ULK2: variants seen among roughly 807,000 people sequenced by gnomAD.
The protein encoded by ULK2 is serine/threonine-protein kinase ULK2.
A neutral mutation model predicts 127.5 loss-of-function variants in ULK2; 76 were observed. That is an observed-to-expected ratio of 0.60 (90% confidence interval 0.50 to 0.72). The LOEUF (loss-of-function observed/expected upper bound fraction) is 0.72, where lower values mean the gene tolerates loss of function less well. ULK2 is among the 30% of genes least tolerant of loss of function. ULK2 has a pLI of 0.00. For missense variants in ULK2, 1,144 were observed against 1,295.9 expected (o/e 0.88, Z 1.80); for synonymous variants, 452 against 461.9 (o/e 0.98, Z 0.28).
intron 25 of ULK2, among the ~76,000 whole-genome samples, chr17:19,778,965 T>C (rs1006066770): frequency 2.0e-5 from 3 of 152,316 alleles, no homozygotes; most frequent in Non-Finnish European, 2.9e-5. Context: ...TAATTCCATA[T>C]GGAGGACATT....
chr17:19,847,945 T>C (rs1232776805), intron 5 of ULK2, among the ~76,000 whole-genome samples: 1 of 152,202 alleles, frequency 6.6e-6, no homozygotes, highest in African/African-American at 2.4e-5. Flanking sequence ...GTTCTTCCAC[T>C]TAATGTGTGA....
intron 14 of ULK2, among the ~76,000 whole-genome samples, chr17:19,806,551 T>C (rs993076756): frequency 6.6e-6 from 1 of 152,218 alleles, no homozygotes; most frequent in East Asian, 1.9e-4. Flanking sequence ...TTATCTCAGA[T>C]AGTCTCTGGA....
rs1211694194 is a variant in ULK2 at position 19,771,786 on chromosome 17, C to T, written c.*4563G>A. On this transcript the variant is annotated 3_prime_UTR_variant, in exon 27 of 27. Coordinates refer to ENST00000395544, the MANE Select transcript of ULK2 (RefSeq NM_014683.4). ...ACCAAGTGGACCACTAAGCTACCTGCCAAATTGAGTTGCAGAAACCCCAAA... is the reference window on the plus strand; with the variant it reads ...ACCAAGTGGACCACTAAGCTACCTGTCAAATTGAGTTGCAGAAACCCCAAA... The T allele has an allele frequency of 6.6e-6, 1 of 152,224 alleles. No individual in the cohort carries two copies. Among genetic ancestry groups the T allele is most frequent in the East Asian group, 1.9e-4 (1 of 5,196 alleles). 9.4% of individuals were successfully genotyped at this position (152,224 alleles called of 1,614,324 possible). A position where few individuals can be genotyped will look rare whatever the true frequency, so the allele number is the denominator to read the frequency against.
At chr17:19,790,713 G>A (rs1388729750) in intron 20 of ULK2, among the ~76,000 whole-genome samples, 1 of 152,156 alleles carries the variant, frequency 6.6e-6, no homozygotes, top group Non-Finnish European at 1.5e-5. Context: ...AAGACACTGA[G>A]TGGCTGAATG....
At chr17:19,823,126 A>ATTTT (rs3884213) in intron 12 of ULK2, among the ~76,000 whole-genome samples, 100,271 of 113,006 alleles carry the variant, frequency 0.89, 45,460 homozygotes, top group Non-Finnish European at 0.96. Flanking sequence ...ACGCCTGGCT[A>ATTTT]TTTTTTTTTT....
At chr17:19,827,097 T>C (rs2041316381) in intron 10 of ULK2, among the ~76,000 whole-genome samples, 1 of 152,212 alleles carries the variant, frequency 6.6e-6, no homozygotes, top group South Asian at 2.1e-4. Context: ...TAGGTATAAA[T>C]ATTTCCAACT....
rs200497777 is a variant in ULK2, at chr17:19,781,065, C to A, written c.2679G>T (p.Gln893His). Residue 893 changes from glutamine to histidine, a missense_variant, in exon 24 of 27, where the codon CAG (glutamine) becomes CAT (histidine). Around this residue, in one of 2 missense-constraint regions of ULK2, gnomAD observed 913 missense variants for 970.5 expected, o/e 0.94. Transcript: ENST00000395544. ...CAAGATGCAGAGAAGCCGCAAGCAG[C>A]TGTGCTGCTTTCATGTACAACACCA... ...EQLVLYMKAA[Q>H]LLAASLHLAK... The A allele has an allele frequency of 3.1e-6, 5 of 1,613,936 alleles. No homozygotes were observed.
rs188594738 is a variant in ULK2 at position 19,785,420 on chromosome 17, C to T, written c.2251+517G>A. Among the ~76,000 whole-genome samples, 15 of 152,076 alleles carry T rather than the reference C, an allele frequency of 9.9e-5. No individual in the cohort carries two copies. The East Asian group carries it at 2.7e-3, about 27-fold the overall frequency. ...TAAAGACAGGTTTTCACCATGTTGGCCACGCTGGTCTCGAGTTCCTGGCCT... is the reference window on the plus strand; with the variant it reads ...TAAAGACAGGTTTTCACCATGTTGGTCACGCTGGTCTCGAGTTCCTGGCCT... On this transcript the variant is annotated intron_variant, in intron 21 of 26. Coordinates refer to ENST00000395544, the MANE Select transcript of ULK2 (RefSeq NM_014683.4).
chr17:19,826,640 T>C (rs2041303782), intron 10 of ULK2, among the ~76,000 whole-genome samples: 1 of 152,134 alleles, frequency 6.6e-6, no homozygotes, highest in Non-Finnish European at 1.5e-5. Context: ...CAAGTATTCC[T>C]GATGCTGGTT....
intron 2 of ULK2, 39 bp from the exon 3 acceptor site, chr17:19,864,883 C>G (rs1258999250): frequency 3.0e-6 from 3 of 996,014 alleles, no homozygotes; most frequent in East Asian, 2.9e-5. Context: ...TGTAAGTATT[C>G]TAATGACTTT....
At chr17:19,840,275 G>C in intron 9 of ULK2, 1 of 525,302 alleles carries the variant, frequency 1.9e-6, no homozygotes, top group Non-Finnish European at 3.9e-6. Flanking sequence ...ACCTGCTTCA[G>C]TACAACAACC....
intron 3 of ULK2, among the ~76,000 whole-genome samples, chr17:19,857,062 T>C (rs2042148531): frequency 6.6e-6 from 1 of 151,492 alleles, no homozygotes; most frequent in Admixed American, 6.6e-5. Flanking sequence ...TCCCAACACT[T>C]TGGGAGGCCA....
intron 20 of ULK2, 82 bp downstream of exon 20, chr17:19,795,540 G>A (rs1006721670): frequency 1.8e-6 from 2 of 1,133,176 alleles, no homozygotes; most frequent in Non-Finnish European, 1.3e-6. Flanking sequence ...CCAAGCATGT[G>A]ATGATTTGTT....
chr17:19,785,990 C>G lies in ULK2; in HGVS notation c.2198G>C (p.Ser733Thr), dbSNP rs1198042676. 3.8e-6 allele frequency: 6 copies of G among 1,596,410 alleles called. No homozygotes were observed. Among genetic ancestry groups the G allele is most frequent in the Non-Finnish European group, 4.3e-6 (5 of 1,173,212 alleles). The change falls in exon 21 of 27, where the codon AGT becomes ACT. Residue 733 changes from serine to threonine, a missense_variant. Physicochemically the swap from Ser to Thr is moderately conservative, Grantham distance 58. Around this residue, in one of 2 missense-constraint regions of ULK2, gnomAD observed 913 missense variants for 970.5 expected, o/e 0.94. Transcript: ENST00000395544. ...VLFTVGSPPHSAAAPTCTHMF... is the reference protein window; with the variant it reads ...VLFTVGSPPHTAAAPTCTHMF... ...GTGGGTACAAGTGGGGGCTGCCGCA[C>G]TGTGTGGAGGAGACCCTACAGTGAA...
intron 14 of ULK2, among the ~76,000 whole-genome samples, chr17:19,805,743 C>T (rs1209976311): frequency 6.6e-6 from 1 of 152,046 alleles, no homozygotes; most frequent in African/African-American, 2.4e-5. Flanking sequence ...CTTGCTGGAG[C>T]TTCAGCAGAT....
chr17:19,815,484 T>C (rs1227320216), intron 13 of ULK2, among the ~76,000 whole-genome samples: 2 of 152,216 alleles, frequency 1.3e-5, no homozygotes, highest in African/African-American at 4.8e-5. Context: ...GGTTTCACCA[T>C]GTTGGTCAGG....
In ULK2 at chr17:19,845,327, G is replaced by A. The variant is rs1567719924; in HGVS notation, c.520C>T (p.Leu174=). 1.9e-6 allele frequency: 3 copies of A among 1,613,858 alleles called. No homozygotes were observed. Among genetic ancestry groups the A allele is most frequent in the Admixed American group, 3.3e-5 (2 of 60,002 alleles). The stretch of plus-strand genomic sequence containing the variant: ...ACCATGTACATCGGGGATCCACACA[G>A]TGTTGCAGCCATCATGTTACTATGT... ...YLHSNMMAAT[L]CGSPMYMAPE... Residue 174 remains leucine, a synonymous_variant, in exon 7 of 27, where the codon CTG becomes TTG. Transcript: ENST00000395544.
chr17:19,863,782 A>T (rs2042294318), intron 3 of ULK2, among the ~76,000 whole-genome samples: 1 of 152,238 alleles, frequency 6.6e-6, no homozygotes, highest in East Asian at 1.9e-4. Context: ...TCTGAAAAGG[A>T]TTTCCAAGAG....
chr17:19,840,211 C>A (rs2041708769), intron 9 of ULK2: 1 of 499,046 alleles, frequency 2.0e-6, no homozygotes, highest in Admixed American at 2.2e-5. Context: ...TCTCCGGACA[C>A]CCGACGGGCG....
Sources: gnomAD v4.1 joint callset for allele counts (sites outside exome capture counted in the v4.1 genomes callset) on GRCh38, gnomAD v4.1.1 for gene constraint, gnomAD v4.1.1 regional missense constraint, MANE v1.5 for transcripts, NCBI Gene and HGNC (gene_info 2026-07-23, HGNC 2026-07-21) for gene names.